The following DOCK9 variants were observed in gnomAD, a reference collection of about 807,000 sequenced individuals.
DOCK9 encodes the protein dedicator of cytokinesis 9.
DOCK9 carries 89 observed loss-of-function variants against 263.3 expected under a neutral mutation model. The observed-to-expected ratio is 0.34, with a 90% CI of 0.28 to 0.40. DOCK9 has a LOEUF of 0.40. Ranked by LOEUF, DOCK9 falls within the 10% of genes least tolerant of loss-of-function variation. The pLI, the probability that DOCK9 is intolerant of heterozygous loss-of-function variation, is 1.00. For synonymous variants in DOCK9, 976 were observed against 973.1 expected, an observed-to-expected ratio of 1.00 and a Z score of -0.06; for missense variants, 2,140 against 2,603.4, an observed-to-expected ratio of 0.82 and a Z score of 3.87.
At chr13:98,928,650 G>T (rs530604519) in intron 3 of DOCK9, among the ~76,000 whole-genome samples, 1 of 152,296 alleles carries the variant, frequency 6.6e-6, no homozygotes, top group East Asian at 1.9e-4. Context: ...TTTCAGCTTT[G>T]AGGGTCATAT....
At chr13:99,004,190 C>G (rs1046814299) in intron 1 of DOCK9, among the ~76,000 whole-genome samples, 1 of 152,160 alleles carries the variant, frequency 6.6e-6, no homozygotes, top group South Asian at 2.1e-4. Context: ...GGCCCATATC[C>G]CACGTGGCAG....
chr13:98,841,232 G>A (rs532463987), intron 38 of DOCK9, among the ~76,000 whole-genome samples: 2 of 152,312 alleles, frequency 1.3e-5, no homozygotes, highest in East Asian at 3.9e-4. Context: ...AAGAGTTTAT[G>A]CTTCAGGAGG....
intron 1 of DOCK9, among the ~76,000 whole-genome samples, chr13:98,970,675 C>T (rs1239700667): frequency 6.6e-6 from 1 of 152,172 alleles, no homozygotes; most frequent in Admixed American, 6.5e-5. Flanking sequence ...CTGAAAATTT[C>T]CAAAGCCTCA....
intron 9 of DOCK9, 73 bp downstream of exon 9, chr13:98,914,255 C>G (rs2139863827): frequency 2.3e-6 from 3 of 1,299,218 alleles, no homozygotes; most frequent in Non-Finnish European, 3.2e-6. Flanking sequence ...AGATTCCATT[C>G]TGGACAAACC....
chr13:98,820,557 G>A, intron 45 of DOCK9: 2 of 268,674 alleles, frequency 7.4e-6, no homozygotes, highest in South Asian at 6.8e-5. Flanking sequence ...AGACAGAGGA[G>A]GCTGTTCCTG....
At chr13:98,840,591 T>C (rs1273226837) in intron 38 of DOCK9, among the ~76,000 whole-genome samples, 3 of 152,156 alleles carry the variant, frequency 2.0e-5, no homozygotes, top group Admixed American at 1.3e-4. Context: ...GTTACCTGCA[T>C]AGTTCAAATG....
upstream of DOCK9, among the ~76,000 whole-genome samples, chr13:99,086,791 T>C (rs2042357952): frequency 6.7e-6 from 1 of 148,806 alleles, no homozygotes; most frequent in African/African-American, 2.5e-5. Context: ...GGCCCGGCGC[T>C]GGAGCTAGGC....
In DOCK9 at chr13:98,809,403, G is replaced by A. The variant is rs752914025; in HGVS notation, c.5316C>T (p.His1772=). The A allele has an allele frequency of 1.2e-6, 2 of 1,613,672 alleles. No individual in the cohort carries two copies. The highest frequency in any genetic ancestry group is 1.3e-5 in the African/African-American group (1 of 74,868). Residue 1772 remains histidine, a synonymous_variant, in exon 47 of 53, where the codon CAC becomes CAT. Transcript: ENST00000682017. ...AGGTCCCCAGAAGCCTGCGGCCCGAGTGCATGACCTCGGTCACTTTGCTGT... is the reference window on the plus strand; with the variant it reads ...AGGTCCCCAGAAGCCTGCGGCCCGAATGCATGACCTCGGTCACTTTGCTGT... ...RAYSKVTEVM[H]SGRRLLGTYF... is the part of the protein sequence containing the mutation.
intron 2 of DOCK9, among the ~76,000 whole-genome samples, chr13:98,943,785 C>G (rs1445088254): frequency 6.6e-6 from 1 of 152,096 alleles, no homozygotes; most frequent in African/African-American, 2.4e-5. Context: ...CTCATGGAGG[C>G]TTTATTTTCT....
At chr13:98,839,364 G>A (rs962791290) in intron 38 of DOCK9, among the ~76,000 whole-genome samples, 26 of 152,206 alleles carry the variant, frequency 1.7e-4, no homozygotes, top group African/African-American at 6.0e-4. Flanking sequence ...TTTATTCAGC[G>A]AGGTTGTTTG....
At chr13:98,879,150 T>G (rs2044333749) in intron 27 of DOCK9, among the ~76,000 whole-genome samples, 2 of 152,124 alleles carry the variant, frequency 1.3e-5, no homozygotes, top group African/African-American at 4.8e-5. Flanking sequence ...CATTGGAACT[T>G]TATAGAAACT....
At chr13:98,916,282 C>A (rs943265313) in intron 7 of DOCK9, among the ~76,000 whole-genome samples, 1 of 152,200 alleles carries the variant, frequency 6.6e-6, no homozygotes, top group African/African-American at 2.4e-5. Flanking sequence ...CCAATAGATG[C>A]CAGTCTTCAG....
In DOCK9 at chr13:98,868,270, T is replaced by G. The variant is rs778322137; in HGVS notation, c.3051A>C (p.Ala1017=). 3.7e-6 allele frequency: 6 copies of G among 1,613,886 alleles called. No homozygotes were observed. In the South Asian group the frequency reaches 5.5e-5, roughly 15 times the overall value. The part of the protein sequence containing the change: ...ITQKFRDNPE[A]SKNANHSLAV... ...CAAGGCTATGATTCGCGTTCTTAGATGCCTCTGGATTATCTCGAAACTTCT... is the reference window on the plus strand; with the variant it reads ...CAAGGCTATGATTCGCGTTCTTAGAGGCCTCTGGATTATCTCGAAACTTCT... Residue 1017 remains alanine, a synonymous_variant, in exon 28 of 53, where the codon GCA becomes GCC. Coordinates refer to ENST00000682017, the MANE Select transcript of DOCK9 (RefSeq NM_001366683.2).
chr13:99,019,715 T>C (rs2141998331), intron 1 of DOCK9, among the ~76,000 whole-genome samples: 1 of 152,278 alleles, frequency 6.6e-6, no homozygotes, highest in South Asian at 2.1e-4. Context: ...TGACTCAGTA[T>C]CTAAAGCAAA....
Position 98,890,983 on chromosome 13 carries a change from C to T in DOCK9, c.1710-2272G>A, listed in dbSNP as rs1174879418. Among the ~76,000 whole-genome samples, 6 of 152,160 alleles carry T rather than the reference C, an allele frequency of 3.9e-5. No individual in the cohort carries two copies. The South Asian group carries it at 6.2e-4, about 16-fold the overall frequency. ...CAAGTCAATGATTTTTCACATGTTCCGCCTTCCGTTGAAAAGATGTCTGGC... is the reference window on the plus strand; with the variant it reads ...CAAGTCAATGATTTTTCACATGTTCTGCCTTCCGTTGAAAAGATGTCTGGC... On this transcript the variant is annotated intron_variant, in intron 15 of 52. Transcript: ENST00000682017.
chr13:98,842,056 G>A (rs1387231216), intron 38 of DOCK9, among the ~76,000 whole-genome samples: 1 of 152,140 alleles, frequency 6.6e-6, no homozygotes, highest in Non-Finnish European at 1.5e-5. Context: ...TTTTAACTCA[G>A]AGATGTCTAC....
chr13:98,976,646 C>CA (rs1396304153), intron 1 of DOCK9, among the ~76,000 whole-genome samples: 16 of 152,186 alleles, frequency 1.1e-4, no homozygotes, highest in Admixed American at 2.6e-4. Flanking sequence ...CAATGAATTA[C>CA]ATTTCTAAAC....
intron 2 of DOCK9, among the ~76,000 whole-genome samples, chr13:98,950,945 T>C (rs2057340417): frequency 1.3e-5 from 2 of 152,178 alleles, no homozygotes; most frequent in Non-Finnish European, 2.9e-5. Context: ...CCAAATCCCA[T>C]GTCTTTGATG....
chr13:98,978,020 C>T lies in DOCK9; in HGVS notation c.-111G>A. On this transcript the variant is annotated 5_prime_UTR_variant, in exon 1 of 53. Transcript: ENST00000682017. ...CCAAGGAAGGAAAGGAAACTGGCTT[C>T]CCAGGCACAAGTGGTCAGCCCCGCT... is the stretch of plus-strand genomic sequence containing the variant. 4 of 1,452,970 alleles carry T rather than the reference C, an allele frequency of 2.8e-6. No individual in the cohort carries two copies. The South Asian group carries it at 5.9e-5, about 22-fold the overall frequency. 90.0% of individuals were successfully genotyped at this position (1,452,970 alleles called of 1,614,324 possible). A position where few individuals can be genotyped will look rare whatever the true frequency, so the allele number is the denominator to read the frequency against.
Sources: gnomAD v4.1 joint callset for allele counts (sites outside exome capture counted in the v4.1 genomes callset) on GRCh38, gnomAD v4.1.1 for gene constraint, MANE v1.5 for transcripts, NCBI Gene and HGNC (gene_info 2026-07-23, HGNC 2026-07-21) for gene names.